Variants in KITLG observed in about 807,000 individuals in gnomAD.
KITLG encodes KIT ligand, also known as c-Kit ligand.
A neutral mutation model predicts 34.1 loss-of-function variants in KITLG; 13 were observed. The observed-to-expected ratio is 0.38, with a 90% confidence interval of 0.25 to 0.61. The LOEUF is 0.61. KITLG is among the 20% of genes least tolerant of loss of function. The probability of loss-of-function intolerance (pLI) is 0.60; values close to 1 mark genes in which losing one functional copy is unlikely to be tolerated. For synonymous variants in KITLG, 110 were observed against 104.0 expected (o/e 1.06, Z -0.35); for missense variants, 292 against 318.9 (o/e 0.92, Z 0.64).
chr12:88,535,379 A>C (rs1870271632), intron 2 of KITLG, among the ~76,000 whole-genome samples: 1 of 152,212 alleles, frequency 6.6e-6, no homozygotes, highest in Admixed American at 6.6e-5. Flanking sequence ...AATTTAAAAC[A>C]AGTTTTCATA....
At position 88,495,755 on chromosome 12, in the gene KITLG, A is replaced by C. The variant is rs1453328679; in HGVS notation, c.*1464T>G. On this transcript the variant is annotated 3_prime_UTR_variant, in exon 10 of 10. Transcript: ENST00000644744. Reference sequence around the variant, plus strand: ...TCATCTTACGGTTGTAGAACATGGCAATAATGTTATCACAAAGATTAAGTT... The same window carrying C: ...TCATCTTACGGTTGTAGAACATGGCCATAATGTTATCACAAAGATTAAGTT... The C allele has an allele frequency of 6.6e-6, 1 of 152,294 alleles. No homozygotes were observed. The highest frequency in any genetic ancestry group is 1.5e-5 in the Non-Finnish European group (1 of 68,020). 9.4% of individuals were successfully genotyped at this position (152,294 alleles called of 1,614,324 possible).
At chr12:88,506,282 T>C (rs1869055668) in intron 8 of KITLG, 29 bp downstream of exon 8, 8 of 1,464,298 alleles carry the variant, frequency 5.5e-6, no homozygotes, top group Admixed American at 1.7e-5. Context: ...TCATGCTTGA[T>C]TGGGCACACA....
intron 3 of KITLG, among the ~76,000 whole-genome samples, chr12:88,524,993 T>C (rs983125688): frequency 6.6e-6 from 1 of 152,256 alleles, no homozygotes. Flanking sequence ...GGTTGGATGA[T>C]GGTAGACACC....
chr12:88,515,669 A>G (rs1482752562), intron 5 of KITLG, 52 bp from the exon 6 acceptor site: 2 of 1,354,900 alleles, frequency 1.5e-6, no homozygotes, highest in Non-Finnish European at 2.1e-6. Context: ...TGTATGAGTT[A>G]TAGAGTCCCT....
chr12:88,533,377 T>A (rs1375792042), intron 2 of KITLG, among the ~76,000 whole-genome samples: 1 of 152,176 alleles, frequency 6.6e-6, no homozygotes. Flanking sequence ...TTAAGACAGA[T>A]GAATGTGCCA....
intron 2 of KITLG, among the ~76,000 whole-genome samples, chr12:88,535,077 T>A (rs114383886): frequency 6.6e-6 from 1 of 152,100 alleles, no homozygotes; most frequent in Non-Finnish European, 1.5e-5. Context: ...AATACAAAAA[T>A]ACAATCAACT....
At chr12:88,544,614 A>G (rs2120909436) in intron 2 of KITLG, among the ~76,000 whole-genome samples, 1 of 152,206 alleles carries the variant, frequency 6.6e-6, no homozygotes, top group South Asian at 2.1e-4. Flanking sequence ...AGTTCCCTCA[A>G]GTAAGACATA....
At chr12:88,504,930 T>G (rs544351100) in intron 9 of KITLG, among the ~76,000 whole-genome samples, 2 of 130,600 alleles carry the variant, frequency 1.5e-5, no homozygotes, top group South Asian at 4.8e-4. Flanking sequence ...TGAGAACACT[T>G]GGACACAGGG....
intron 1 of KITLG, among the ~76,000 whole-genome samples, chr12:88,572,595 TTATATATATA>T (rs58146008): frequency 7.4e-6 from 1 of 134,930 alleles, no homozygotes; most frequent in Non-Finnish European, 1.6e-5. Flanking sequence ...ATATACATTA[TTATATATATA>T]TATATATATA....
intron 1 of KITLG, among the ~76,000 whole-genome samples, chr12:88,550,760 C>T (rs569083029): frequency 4.6e-5 from 7 of 152,160 alleles, no homozygotes; most frequent in South Asian, 2.1e-4. Flanking sequence ...AACTGTGATG[C>T]GATAGCAGAT....
intron 1 of KITLG, among the ~76,000 whole-genome samples, chr12:88,562,561 G>A (rs1871330964): frequency 6.6e-6 from 1 of 152,138 alleles, no homozygotes; most frequent in Admixed American, 6.5e-5. Context: ...TAAACAGGAG[G>A]GTTTTGTTCA....
At chr12:88,546,207 TATACC>T (rs1481568932) in intron 1 of KITLG, among the ~76,000 whole-genome samples, 1 of 152,220 alleles carries the variant, frequency 6.6e-6, no homozygotes, top group Non-Finnish European at 1.5e-5. Context: ...GCATAAAATG[TATACC>T]TTATGGCACC....
chr12:88,527,628 G>A (rs1869926493), intron 3 of KITLG, among the ~76,000 whole-genome samples: 1 of 152,168 alleles, frequency 6.6e-6, no homozygotes, highest in Non-Finnish European at 1.5e-5. Flanking sequence ...AGAAGGAGAA[G>A]GATTGCTTAT....
intron 1 of KITLG, among the ~76,000 whole-genome samples, chr12:88,552,772 A>G (rs1870962481): frequency 2.6e-5 from 4 of 152,178 alleles, no homozygotes; most frequent in Admixed American, 2.0e-4. Context: ...TAAAAAAAAA[A>G]AACGCTTTTG....
chr12:88,525,356 T>TAAG (rs1250854954), intron 3 of KITLG, among the ~76,000 whole-genome samples: 2 of 152,182 alleles, frequency 1.3e-5, no homozygotes, highest in Non-Finnish European at 2.9e-5. Flanking sequence ...TCTAAACTAA[T>TAAG]AAGATGGGCT....
intron 1 of KITLG, chr12:88,564,467 G>C (rs375612615): frequency 6.6e-6 from 1 of 152,156 alleles, no homozygotes; most frequent in Non-Finnish European, 1.5e-5. Context: ...AGAGGGACTC[G>C]TGAGCAATAT....
At chr12:88,551,412 T>C (rs963575083) in intron 1 of KITLG, among the ~76,000 whole-genome samples, 3 of 152,312 alleles carry the variant, frequency 2.0e-5, no homozygotes, top group African/African-American at 7.2e-5. Flanking sequence ...GTACACACAC[T>C]TTGATTTCTT....
chr12:88,575,014 T>C (rs979460420), intron 1 of KITLG, among the ~76,000 whole-genome samples: 1 of 152,162 alleles, frequency 6.6e-6, no homozygotes, highest in Non-Finnish European at 1.5e-5. Context: ...CATAAAACAA[T>C]GGTTATAATG....
At chr12:88,517,673 A>C (rs569744578) in intron 4 of KITLG, among the ~76,000 whole-genome samples, 2 of 152,168 alleles carry the variant, frequency 1.3e-5, no homozygotes, top group African/African-American at 2.4e-5. Flanking sequence ...CACTATATGC[A>C]GTAGTAATAT....
Sources: gnomAD v4.1 joint callset for allele counts (sites outside exome capture counted in the v4.1 genomes callset) on GRCh38, gnomAD v4.1.1 for gene constraint, MANE v1.5 for transcripts, NCBI Gene and HGNC (gene_info 2026-07-23, HGNC 2026-07-21) for gene names.